Variants in ACADM observed in about 807,000 individuals in gnomAD.
The protein encoded by ACADM is acyl-CoA dehydrogenase medium chain, also known as medium-chain specific acyl-CoA dehydrogenase, mitochondrial.
A neutral mutation model predicts 58.9 loss-of-function variants in ACADM; 49 were observed. The observed-to-expected ratio is 0.83, with a 90% CI of 0.66 to 1.06. The LOEUF is 1.06. Ranked by LOEUF, ACADM falls within the 50% of genes least tolerant of loss-of-function variation. ACADM has a pLI of 0.00. For missense variants in ACADM, 496 were observed against 507.0 expected (o/e 0.98, Z 0.21); for synonymous variants, 160 against 157.7 (o/e 1.01, Z -0.11).
intron 7 of ACADM, chr1:75,744,911 A>G (rs1647806867): frequency 2.8e-6 from 1 of 357,700 alleles, no homozygotes; most frequent in Non-Finnish European, 5.4e-6. Flanking sequence ...ACAGGCATAG[A>G]CTGTCTTGTT....
chr1:75,733,587 T>G lies in ACADM; in HGVS notation c.346T>G (p.Cys116Gly), dbSNP rs875989863. 3 of 1,614,120 alleles carry G rather than the reference T, an allele frequency of 1.9e-6. No homozygotes were observed. Among genetic ancestry groups the G allele is most frequent in the Non-Finnish European group, 2.5e-6 (3 of 1,180,008 alleles). Reference sequence around the variant, plus strand: ...AATTAGTGAAGAATTGGCTTATGGATGTACAGGGGTTCAGACTGCTATTGA... The same window carrying G: ...AATTAGTGAAGAATTGGCTTATGGAGGTACAGGGGTTCAGACTGCTATTGA... ...CLISEELAYG[C>G]TGVQTAIEGN... Residue 116 changes from cysteine to glycine, a missense_variant, in exon 5 of 12, where the codon TGT becomes GGT. Coordinates refer to ENST00000370841, the MANE Select transcript of ACADM (RefSeq NM_000016.6).
intron 2 of ACADM, among the ~76,000 whole-genome samples, chr1:75,732,258 C>A (rs1262616224): frequency 1.3e-5 from 2 of 151,850 alleles, no homozygotes; most frequent in African/African-American, 4.8e-5. Flanking sequence ...TAGATTGATT[C>A]TTGTCGTCAG....
At chr1:75,729,354 C>G (rs1314153781) in intron 2 of ACADM, among the ~76,000 whole-genome samples, 1 of 124,914 alleles carries the variant, frequency 8.0e-6, no homozygotes, top group Non-Finnish European at 1.6e-5. Context: ...CCAGGCCGAT[C>G]TTGAACTCCT....
At chr1:75,761,478 G>C in intron 11 of ACADM, 108 bp downstream of exon 11, 1 of 1,241,716 alleles carries the variant, frequency 8.1e-7, no homozygotes, top group East Asian at 2.4e-5. Context: ...AGCAATAAAT[G>C]ACTGTCATAT....
chr1:75,737,409 C>G (rs1012478575), intron 6 of ACADM, among the ~76,000 whole-genome samples: 2 of 148,940 alleles, frequency 1.3e-5, no homozygotes, highest in African/African-American at 5.0e-5. Context: ...AAAAAACAGG[C>G]TCATTTACTT....
At chr1:75,761,457 A>G (rs758361397) in intron 11 of ACADM, 87 bp downstream of exon 11, 3 of 1,453,736 alleles carry the variant, frequency 2.1e-6, no homozygotes, top group South Asian at 2.3e-5. Context: ...TAGAAATTTT[A>G]TGTCCCTAGT....
Position 75,743,617 on chromosome 1 carries a change from G to A in ACADM, c.600-2189G>A, listed in dbSNP as rs972455216. 4.5e-6 allele frequency: 7 copies of A among 1,553,448 alleles called. No individual in the cohort carries two copies. In the African/African-American group the frequency reaches 5.4e-5, roughly 12 times the overall value. On this transcript the variant is annotated intron_variant, in intron 7 of 11. Coordinates refer to ENST00000370841, the MANE Select transcript of ACADM (RefSeq NM_000016.6). ...CATCCCCAGGATGGCAGACAGGGGG[G>A]TTGATAATGGGTGTTCAAAGAGTGA...
intron 6 of ACADM, among the ~76,000 whole-genome samples, chr1:75,737,264 C>CCA (rs1491537427): frequency 2.0e-5 from 2 of 99,868 alleles, no homozygotes; most frequent in African/African-American, 4.4e-5. Flanking sequence ...GAGACTGCCA[C>CCA]CACACACACA....
rs191886432 is a variant in ACADM, at chr1:75,743,222, A to T, written c.600-2584A>T. Among the ~76,000 whole-genome samples, 44 of 152,326 alleles carry T rather than the reference A, an allele frequency of 2.9e-4. No individual in the cohort carries two copies. In the East Asian group the frequency reaches 8.5e-3, roughly 29 times the overall value. Reference sequence around the variant, plus strand: ...ATTAAGATATTCGAGGGTATGAGACAGGTGCAGAGAGGGAGAGAGCCAGGC... The same window carrying T: ...ATTAAGATATTCGAGGGTATGAGACTGGTGCAGAGAGGGAGAGAGCCAGGC... On this transcript the variant is annotated intron_variant, in intron 7 of 11. Transcript: ENST00000370841.
chr1:75,762,221 A>G (rs1648893928), intron 11 of ACADM, among the ~76,000 whole-genome samples: 1 of 152,198 alleles, frequency 6.6e-6, no homozygotes, highest in South Asian at 2.1e-4. Context: ...AGAAGTTTAG[A>G]ATGGAAATAA....
At chr1:75,738,031 C>G (rs1403114316) in intron 6 of ACADM, among the ~76,000 whole-genome samples, 2 of 151,506 alleles carry the variant, frequency 1.3e-5, no homozygotes, top group East Asian at 3.9e-4. Flanking sequence ...ATTCTCCTGC[C>G]TCAGCCTCCC....
chr1:75,761,000 A>G (rs1648812405), intron 10 of ACADM, 122 bp from the exon 11 acceptor site: 2 of 920,804 alleles, frequency 2.2e-6, no homozygotes, highest in Non-Finnish European at 3.3e-6. Context: ...TGAGGCCAGG[A>G]GTTGCAGACC....
intron 10 of ACADM, among the ~76,000 whole-genome samples, chr1:75,751,767 A>G (rs973558860): frequency 2.0e-5 from 3 of 151,938 alleles, no homozygotes; most frequent in Non-Finnish European, 4.4e-5. Flanking sequence ...CCAAAGTGCT[A>G]GGATTACAGG....
At chr1:75,736,136 T>A (rs543297710) in intron 6 of ACADM, among the ~76,000 whole-genome samples, 30 of 148,646 alleles carry the variant, frequency 2.0e-4, no homozygotes, top group African/African-American at 7.7e-4. Flanking sequence ...AATTTTTAAA[T>A]TAGATTTTTT....
chr1:75,745,614 T>C (rs1315366359), intron 7 of ACADM, 192 bp from the exon 8 acceptor site: 2 of 609,302 alleles, frequency 3.3e-6, no homozygotes, highest in East Asian at 2.9e-5. Flanking sequence ...TATTAAGACA[T>C]AGACCTCAAA....
At chr1:75,754,890 A>C (rs1648411493) in intron 10 of ACADM, 1 of 152,318 alleles carries the variant, frequency 6.6e-6, no homozygotes. Flanking sequence ...TGGTACCTGG[A>C]AAACTAGGAC....
At chr1:75,762,109 T>C (rs918672602) in intron 11 of ACADM, among the ~76,000 whole-genome samples, 2 of 152,226 alleles carry the variant, frequency 1.3e-5, no homozygotes, top group Non-Finnish European at 2.9e-5. Flanking sequence ...GTGATACTCT[T>C]CCTCTCCTAG....
At chr1:75,729,451 C>G (rs1387749898) in intron 2 of ACADM, among the ~76,000 whole-genome samples, 4 of 86,514 alleles carry the variant, frequency 4.6e-5, no homozygotes, top group Non-Finnish European at 9.5e-5. Flanking sequence ...TGAAAAGTTT[C>G]TGTGTTTTTT....
intron 7 of ACADM, chr1:75,744,780 C>A: frequency 1.6e-6 from 1 of 632,912 alleles, no homozygotes; most frequent in Non-Finnish European, 2.9e-6. Flanking sequence ...AGCATCACGG[C>A]GGCCGGGTCT....
Sources: allele counts gnomAD v4.1 joint callset (sites outside exome capture counted in the v4.1 genomes callset), GRCh38; gene constraint gnomAD v4.1.1; transcripts MANE v1.5; gene names NCBI Gene and HGNC (gene_info 2026-07-23, HGNC 2026-07-21).